The following CXADR variants were observed in gnomAD, a reference collection of about 807,000 sequenced individuals.
CXADR encodes the protein CXADR cell adhesion molecule, also known as coxsackievirus and adenovirus receptor.
A neutral mutation model predicts 40.3 loss-of-function variants in CXADR; 20 were observed. The observed-to-expected ratio is 0.50, with a 90% CI of 0.35 to 0.72. The LOEUF (loss-of-function observed/expected upper bound fraction) is 0.72, where lower values mean the gene tolerates loss of function less well. Ranked by LOEUF, CXADR falls within the 30% of genes least tolerant of loss-of-function variation. The pLI, the probability that CXADR is intolerant of heterozygous loss-of-function variation, is 0.01. For missense variants in CXADR, 332 were observed against 449.1 expected (o/e 0.74, Z 2.36); for synonymous variants, 150 against 161.3 (o/e 0.93, Z 0.53).
At chr21:17,601,234 C>G in the CXADR span, among the ~76,000 whole-genome samples, 2 of 150,114 alleles carry the variant, frequency 1.3e-5, no homozygotes, top group Non-Finnish European at 3.0e-5. Context: ...GGCTCTGCCA[C>G]TGACTAGCTT....
the CXADR span, among the ~76,000 whole-genome samples, chr21:17,636,226 T>C: frequency 6.6e-6 from 1 of 152,360 alleles, no homozygotes; most frequent in Middle Eastern, 3.4e-3. Context: ...CAATATCGTC[T>C]GTGAATAAAC....
intron 7 of CXADR, among the ~76,000 whole-genome samples, chr21:17,588,972 A>C (rs2061416342): frequency 6.6e-6 from 1 of 151,960 alleles, no homozygotes; most frequent in Non-Finnish European, 1.5e-5. Context: ...AATTTTAATA[A>C]TTTTCTTCTC....
intron 7 of CXADR, among the ~76,000 whole-genome samples, chr21:17,590,224 A>T: frequency 1.5e-5 from 1 of 65,214 alleles, no homozygotes; most frequent in African/African-American, 5.0e-5. Context: ...TTTTGTAGCT[A>T]GGTATTTTTT....
chr21:17,560,712 A>T lies in CXADR; in HGVS notation c.582A>T (p.Ser194=). The T allele has an allele frequency of 6.2e-7, 1 of 1,612,458 alleles. No individual in the cohort carries two copies. Among genetic ancestry groups the T allele is most frequent in the South Asian group, 1.1e-5 (1 of 91,030 alleles). ...TTCCTCCTTCCATAGAAATGACTTC[A>T]TCTGTTATATCTGTAAAAAATGCCT... ...MPTSWLAEMT[S]SVISVKNASS... is the part of the protein sequence containing the mutation. The change falls in exon 5 of 7, where the codon TCA becomes TCT. Residue 194 remains serine, a synonymous_variant. Coordinates refer to ENST00000284878, the MANE Select transcript of CXADR (RefSeq NM_001338.5).
intron 1 of CXADR, among the ~76,000 whole-genome samples, chr21:17,529,034 C>CTTTTTTT (rs10530177): frequency 6.6e-5 from 8 of 121,384 alleles, no homozygotes; most frequent in South Asian, 2.7e-4. Context: ...GACTTTTTGT[C>CTTTTTTT]TTTTTTTTTT....
the CXADR span, chr21:17,609,107 G>A: frequency 4.3e-6 from 7 of 1,612,920 alleles, no homozygotes; most frequent in Admixed American, 1.7e-5. Flanking sequence ...AACTAGCCTT[G>A]TGAAAAAGAA....
the CXADR span, among the ~76,000 whole-genome samples, chr21:17,626,126 C>A: frequency 6.6e-6 from 1 of 152,214 alleles, no homozygotes; most frequent in East Asian, 1.9e-4. Context: ...CTATGCATTT[C>A]CCCCTTTTCT....
chr21:17,555,167 G>A (rs1233660700), intron 3 of CXADR, among the ~76,000 whole-genome samples: 3 of 152,194 alleles, frequency 2.0e-5, no homozygotes, highest in African/African-American at 7.2e-5. Flanking sequence ...GGAAGGGCCT[G>A]TTTATTGAAA....
chr21:17,535,186 G>A (rs965405250), intron 1 of CXADR, among the ~76,000 whole-genome samples: 2 of 152,152 alleles, frequency 1.3e-5, no homozygotes, highest in African/African-American at 4.8e-5. Flanking sequence ...GGAGGGCAGA[G>A]GCGCAGTCAT....
At position 17,556,398 on chromosome 21, in the gene CXADR, T is replaced by C. The variant is rs562080424; in HGVS notation, c.416-2578T>C. ...TTGTGGACGGGTTGTAGTGAGGCCCTGAATTTCCTAGCAGCTATTTTAAAT... is the reference window on the plus strand; with the variant it reads ...TTGTGGACGGGTTGTAGTGAGGCCCCGAATTTCCTAGCAGCTATTTTAAAT... On this transcript the variant is annotated intron_variant, in intron 3 of 6. Coordinates refer to ENST00000284878, the MANE Select transcript of CXADR (RefSeq NM_001338.5). 5.3e-5 allele frequency among the ~76,000 whole-genome samples: 8 copies of C among 152,318 alleles called. No homozygotes were observed. The East Asian group carries it at 7.7e-4, about 15-fold the overall frequency.
intron 1 of CXADR, among the ~76,000 whole-genome samples, chr21:17,543,854 T>C (rs2060859939): frequency 6.6e-6 from 1 of 152,106 alleles, no homozygotes; most frequent in African/African-American, 2.4e-5. Flanking sequence ...AGAAGATAAG[T>C]TTCTCAACAT....
intron 1 of CXADR, among the ~76,000 whole-genome samples, chr21:17,528,479 C>A (rs2060627167): frequency 6.6e-6 from 1 of 151,944 alleles, no homozygotes; most frequent in Non-Finnish European, 1.5e-5. Flanking sequence ...GATCTCGGCT[C>A]ACCGTAACCT....
chr21:17,559,085 G>A lies in CXADR; in HGVS notation c.525G>A (p.Trp175Ter). The change falls in exon 4 of 7, where the codon TGG becomes TGA. Residue 175 changes from tryptophan (W) to a stop codon, truncating the protein, a stop_gained. Coordinates refer to ENST00000284878, the MANE Select transcript of CXADR (RefSeq NM_001338.5). LOFTEE classifies it high-confidence loss of function. ...GTTCACTTCCATTACAGTATGAGTG[G>A]CAAAAATTGTCTGACTCACAGAAAA... Reference protein sequence around the residue: ...KEGSLPLQYEWQKLSDSQKMP... With the variant: ...KEGSLPLQYE 6.2e-7 allele frequency: 1 copy of A among 1,613,960 alleles called. No individual in the cohort carries two copies. The highest frequency in any genetic ancestry group is 8.5e-7 in the Non-Finnish European group (1 of 1,179,946).
At chr21:17,578,566 A>G (rs150352351) in intron 7 of CXADR, among the ~76,000 whole-genome samples, 2,513 of 152,290 alleles carry the variant, frequency 0.017, 51 homozygotes, top group East Asian at 0.049. Flanking sequence ...GCTGGGCTCA[A>G]TGGCTCACGC....
At position 17,580,399 on chromosome 21, in the gene CXADR, T is replaced by A. The variant is rs375865562; in HGVS notation, c.1018-12753T>A. 3.3e-5 allele frequency among the ~76,000 whole-genome samples: 5 copies of A among 152,092 alleles called. No homozygotes were observed. The East Asian group carries it at 7.7e-4, about 23-fold the overall frequency. On this transcript the variant is annotated intron_variant, in intron 7 of 7. Transcript: ENST00000400169. ...TTTGGGAGGCCGAGGCAGGCAGATA[T>A]CTCGAGCCCAGGAGTTGGAGACCAG...
chr21:17,536,068 T>C (rs889359461), intron 1 of CXADR, among the ~76,000 whole-genome samples: 22 of 152,214 alleles, frequency 1.4e-4, no homozygotes, highest in Non-Finnish European at 4.4e-5. Flanking sequence ...TTAATTTCTT[T>C]GGAATGGCGC....
intron 3 of CXADR, among the ~76,000 whole-genome samples, chr21:17,556,298 C>T (rs2061034828): frequency 6.6e-6 from 1 of 152,178 alleles, no homozygotes; most frequent in African/African-American, 2.4e-5. Flanking sequence ...ACTTGTACTT[C>T]CTCTTCCCAG....
intron 3 of CXADR, among the ~76,000 whole-genome samples, 199 bp downstream of exon 3, chr21:17,552,152 A>G (rs1484684623): frequency 3.3e-5 from 5 of 152,218 alleles, no homozygotes; most frequent in African/African-American, 1.2e-4. Flanking sequence ...GAAGTGATCA[A>G]CTTCTTTGTG....
chr21:17,600,381 ACT>A, the CXADR span, among the ~76,000 whole-genome samples: 3 of 152,212 alleles, frequency 2.0e-5, no homozygotes, highest in South Asian at 2.1e-4. Flanking sequence ...AAAATAAGTA[ACT>A]CTAAGTAGAA....
Sources: allele counts gnomAD v4.1 joint callset (sites outside exome capture counted in the v4.1 genomes callset), GRCh38; gene constraint gnomAD v4.1.1; transcripts MANE v1.5; gene names NCBI Gene and HGNC (gene_info 2026-07-23, HGNC 2026-07-21).